The following PIWIL3 variants were observed in gnomAD, a reference collection of about 807,000 sequenced individuals.
PIWIL3 encodes piwi like RNA-mediated gene silencing 3.
In PIWIL3, 101 loss-of-function variants were observed where a neutral mutation model predicts 109.7. The ratio of observed to expected loss-of-function variants is 0.92; its 90% CI spans 0.78 to 1.09. The LOEUF (loss-of-function observed/expected upper bound fraction) is 1.09. PIWIL3 is among the 50% of genes least tolerant of loss of function. PIWIL3 has a pLI of 0.00. For missense variants in PIWIL3, 1,031 were observed against 1,072.6 expected (o/e 0.96, Z 0.54); for synonymous variants, 373 against 376.4 (o/e 0.99, Z 0.10).
At chr22:24,753,036 AT>A (rs1924803666) in intron 8 of PIWIL3, among the ~76,000 whole-genome samples, 2 of 152,180 alleles carry the variant, frequency 1.3e-5, no homozygotes, top group Non-Finnish European at 2.9e-5. Flanking sequence ...TCTCTCAAGT[AT>A]TGTTTGTATA....
At chr22:24,757,806 C>G in intron 4 of PIWIL3, 102 bp downstream of exon 4, 1 of 1,380,034 alleles carries the variant, frequency 7.2e-7, no homozygotes, top group East Asian at 2.4e-5. Context: ...TCACTGTACT[C>G]CAGCCTGGGC....
intron 18 of PIWIL3, among the ~76,000 whole-genome samples, chr22:24,723,673 C>T (rs887814463): frequency 2.6e-5 from 4 of 152,148 alleles, no homozygotes; most frequent in African/African-American, 9.7e-5. Context: ...AGACTATGTT[C>T]ATGGATTTCT....
intron 12 of PIWIL3, 33 bp from the exon 13 acceptor site, chr22:24,735,925 TTTA>T: frequency 6.6e-7 from 1 of 1,517,852 alleles, no homozygotes; most frequent in Non-Finnish European, 8.9e-7. Flanking sequence ...GGCATAAAAC[TTTA>T]TTTTAAAGAT....
At position 24,747,296 on chromosome 22, in the gene PIWIL3, TA is replaced by T. The variant is rs1363000714; in HGVS notation, c.1449+1610del. Among the ~76,000 whole-genome samples the T allele has an allele frequency of 2.0e-5, 3 of 151,840 alleles. No homozygotes were observed. The East Asian group carries it at 5.8e-4, about 29-fold the overall frequency. On this transcript the variant is annotated intron_variant, in intron 12 of 20. Coordinates refer to ENST00000616349, the MANE Select transcript of PIWIL3 (RefSeq NM_001255975.1). ...TAGATCCCTATCTCTCACCATATAT[TA>T]AAAAAAATTAAGATGGCTTGAAGAC... is the stretch of plus-strand genomic sequence containing the variant.
At chr22:24,725,909 G>A (rs1922966620) in intron 16 of PIWIL3, among the ~76,000 whole-genome samples, 2 of 152,268 alleles carry the variant, frequency 1.3e-5, no homozygotes, top group East Asian at 3.9e-4. Flanking sequence ...GTTTGCTTTG[G>A]AATGGTGGCA....
chr22:24,748,181 A>G (rs185331607), intron 12 of PIWIL3, among the ~76,000 whole-genome samples: 6 of 152,238 alleles, frequency 3.9e-5, no homozygotes, highest in Non-Finnish European at 4.4e-5. Context: ...CCAGGCACAG[A>G]AAAATGAGCT....
chr22:24,764,009 T>A (rs980976015), intron 1 of PIWIL3, among the ~76,000 whole-genome samples: 9 of 152,160 alleles, frequency 5.9e-5, no homozygotes, highest in African/African-American at 2.2e-4. Context: ...AAGAGGGAGA[T>A]CCTCTTGCCT....
At chr22:24,756,373 G>A in intron 5 of PIWIL3, 118 bp downstream of exon 5, 1 of 954,736 alleles carries the variant, frequency 1.0e-6, no homozygotes, top group Non-Finnish European at 1.6e-6. Flanking sequence ...AAGTCATATG[G>A]GCAAGAGAGC....
intron 16 of PIWIL3, among the ~76,000 whole-genome samples, chr22:24,726,720 G>A (rs1450137204): frequency 2.0e-5 from 3 of 152,108 alleles, no homozygotes; most frequent in African/African-American, 4.8e-5. Flanking sequence ...TGATTGCAAC[G>A]CTATTTTCAA....
Position 24,774,715 on chromosome 22 carries a change from C to A in PIWIL3, c.-416G>T, listed in dbSNP as rs532088364. ...CCAGCTACTCGGGAGGCTGAGGCAGCAAAATGGCGTGAACCCGGGAGGCGG... is the reference window on the plus strand; with the variant it reads ...CCAGCTACTCGGGAGGCTGAGGCAGAAAAATGGCGTGAACCCGGGAGGCGG... On this transcript the variant is annotated 5_prime_UTR_variant, in exon 1 of 21. Transcript: ENST00000616349. The A allele has an allele frequency of 6.7e-6, 1 of 149,554 alleles. No homozygotes were observed. The highest frequency in any genetic ancestry group is 2.5e-5 in the African/African-American group (1 of 40,500). 9.3% of individuals were successfully genotyped at this position (149,554 alleles called of 1,614,324 possible).
intron 8 of PIWIL3, 81 bp from the exon 9 acceptor site, chr22:24,751,579 C>T: frequency 6.5e-7 from 1 of 1,548,986 alleles, no homozygotes; most frequent in Non-Finnish European, 8.7e-7. Flanking sequence ...CATTTTTAAT[C>T]CTGCAAGGAA....
intron 2 of PIWIL3, among the ~76,000 whole-genome samples, chr22:24,760,477 C>G (rs370379039): frequency 4.6e-5 from 7 of 152,188 alleles, no homozygotes; most frequent in African/African-American, 1.4e-4. Context: ...GAAATTGCTT[C>G]TGACTGATAA....
At chr22:24,756,752 CCAAAA>C in intron 4 of PIWIL3, 47 bp from the exon 5 acceptor site, 2 of 1,488,522 alleles carry the variant, frequency 1.3e-6, no homozygotes, top group East Asian at 2.3e-5. Context: ...CTGATTGGGC[CCAAAA>C]CAAACAGTTT....
chr22:24,756,231 T>TA (rs149137241), intron 5 of PIWIL3, among the ~76,000 whole-genome samples: 2,207 of 148,958 alleles, frequency 0.015, 37 homozygotes, highest in African/African-American at 0.049. Flanking sequence ...ACAAATAGAA[T>TA]AAAAAAAAAA....
At chr22:24,757,544 G>A (rs1925123028) in intron 4 of PIWIL3, among the ~76,000 whole-genome samples, 1 of 121,114 alleles carries the variant, frequency 8.3e-6, no homozygotes, top group Admixed American at 8.1e-5. Context: ...TCAGCAGTTT[G>A]GAAGGCCCAG....
chr22:24,760,080 A>T, intron 2 of PIWIL3, 91 bp from the exon 3 acceptor site: 2 of 1,517,664 alleles, frequency 1.3e-6, no homozygotes, highest in Non-Finnish European at 1.8e-6. Context: ...AGGCAAAGGA[A>T]CTTCCTCTGA....
chr22:24,756,013 G>C, intron 5 of PIWIL3, 108 bp from the exon 6 acceptor site: 1 of 1,202,130 alleles, frequency 8.3e-7, no homozygotes, highest in Non-Finnish European at 1.2e-6. Context: ...ACACCATCGT[G>C]ATGGAGCAGT....
At chr22:24,727,885 G>A in intron 16 of PIWIL3, 65 bp downstream of exon 16, 1 of 1,291,866 alleles carries the variant, frequency 7.7e-7, no homozygotes, top group South Asian at 1.3e-5. Flanking sequence ...TATTAATTAG[G>A]TTCATCTTTT....
intron 9 of PIWIL3, 41 bp downstream of exon 9, chr22:24,751,346 G>A (rs773631830): frequency 1.3e-5 from 20 of 1,534,178 alleles, no homozygotes; most frequent in Non-Finnish European, 1.7e-5. Flanking sequence ...ATACATGAAG[G>A]TTTACAATTT....
Sources: allele counts gnomAD v4.1 joint callset (sites outside exome capture counted in the v4.1 genomes callset), GRCh38; gene constraint gnomAD v4.1.1; transcripts MANE v1.5; gene names NCBI Gene and HGNC (gene_info 2026-07-23, HGNC 2026-07-21).